The following DGKI variants were observed in gnomAD, a reference collection of about 807,000 sequenced individuals.
DGKI encodes DAG kinase iota.
Under a neutral mutation model 147.5 loss-of-function variants are expected in DGKI, and 55 were observed. That is an observed-to-expected ratio of 0.37 (90% confidence interval 0.30 to 0.47). The LOEUF (loss-of-function observed/expected upper bound fraction) is 0.47. Ranked by LOEUF, DGKI falls within the 20% of genes least tolerant of loss-of-function variation. The pLI is 1.00. For synonymous variants in DGKI, 469 were observed against 477.1 expected (o/e 0.98, Z 0.22); for missense variants, 1,007 against 1,323.8 (o/e 0.76, Z 3.71).
chr7:137,536,235 C>A (rs981046689), intron 20 of DGKI, among the ~76,000 whole-genome samples: 22 of 152,112 alleles, frequency 1.4e-4, no homozygotes, highest in African/African-American at 5.3e-4. Context: ...GTATAGCATG[C>A]AATCATAGGC....
At position 137,389,046 on chromosome 7, in the gene DGKI, C is replaced by T. The variant is rs970738447; in HGVS notation, c.*2174G>A. The T allele has an allele frequency of 8.5e-5, 13 of 152,102 alleles. No homozygotes were observed. Among genetic ancestry groups the T allele is most frequent in the African/African-American group, 3.1e-4 (13 of 41,416 alleles). 9.4% of individuals were successfully genotyped at this position (152,102 alleles called of 1,614,324 possible). A position where few individuals can be genotyped will look rare whatever the true frequency, so the allele number is the denominator to read the frequency against. On this transcript the variant is annotated 3_prime_UTR_variant, in exon 33 of 33. Coordinates refer to ENST00000614521, the MANE Select transcript of DGKI (RefSeq NM_001321708.2). Reference sequence around the variant, plus strand: ...AACAGCTAGATAACTGACTGCTTGGCCAAACATTTGACTCAATCCAGGGAA... The same window carrying T: ...AACAGCTAGATAACTGACTGCTTGGTCAAACATTTGACTCAATCCAGGGAA...
chr7:137,732,946 A>T (rs972758133), intron 1 of DGKI, among the ~76,000 whole-genome samples: 2 of 151,924 alleles, frequency 1.3e-5, no homozygotes, highest in African/African-American at 4.8e-5. Context: ...ATCACTCATC[A>T]GTATCATCTC....
At chr7:137,814,858 C>T (rs1357826011) in intron 1 of DGKI, among the ~76,000 whole-genome samples, 4 of 152,094 alleles carry the variant, frequency 2.6e-5, no homozygotes, top group East Asian at 1.9e-4. Flanking sequence ...AAAAATGGTA[C>T]GCTGGTTTTA....
chr7:137,666,657 C>T (rs1006491755), intron 3 of DGKI, among the ~76,000 whole-genome samples: 1 of 152,138 alleles, frequency 6.6e-6, no homozygotes, highest in East Asian at 1.9e-4. Flanking sequence ...CAAACTGATG[C>T]CCTCAGAGTT....
chr7:137,789,003 G>C (rs979894533), intron 1 of DGKI, among the ~76,000 whole-genome samples: 94 of 152,186 alleles, frequency 6.2e-4, no homozygotes, highest in African/African-American at 2.2e-3. Flanking sequence ...ATGAATTACA[G>C]TGAAGTGAAT....
chr7:137,409,939 A>G (rs550618223), intron 29 of DGKI, among the ~76,000 whole-genome samples: 1 of 152,156 alleles, frequency 6.6e-6, no homozygotes, highest in East Asian at 1.9e-4. Context: ...ACATATACAC[A>G]TGTATCCCAT....
chr7:137,541,084 G>A (rs537033735), intron 20 of DGKI, among the ~76,000 whole-genome samples: 1 of 152,130 alleles, frequency 6.6e-6, no homozygotes, highest in Non-Finnish European at 1.5e-5. Context: ...AGCCACAACA[G>A]TGTTGACAAT....
intron 1 of DGKI, among the ~76,000 whole-genome samples, chr7:137,803,320 G>A (rs560473588): frequency 7.9e-5 from 12 of 152,292 alleles, no homozygotes; most frequent in African/African-American, 2.6e-4. Context: ...CCAGTATACA[G>A]TTTAGACAAA....
intron 3 of DGKI, among the ~76,000 whole-genome samples, chr7:137,658,652 T>TA (rs1462906516): frequency 6.6e-6 from 1 of 152,174 alleles, no homozygotes; most frequent in Non-Finnish European, 1.5e-5. Context: ...CTTAGTCTGT[T>TA]ACGAAAGTCA....
chr7:137,654,847 T>C (rs1822161573), intron 4 of DGKI, 59 bp from the exon 5 acceptor site: 4 of 1,072,764 alleles, frequency 3.7e-6, no homozygotes, highest in Non-Finnish European at 5.4e-6. Flanking sequence ...TAGACTGAAT[T>C]ACCTGAAAAA....
intron 1 of DGKI, among the ~76,000 whole-genome samples, chr7:137,691,810 T>TTTTTTTTTTTTTG (rs1563152846): frequency 7.3e-6 from 1 of 137,138 alleles, no homozygotes; most frequent in African/African-American, 3.2e-5. Flanking sequence ...TTTTTTTTTT[T>TTTTTTTTTTTTTG]TTTTTTTTTT....
intron 1 of DGKI, among the ~76,000 whole-genome samples, chr7:137,790,410 C>G (rs1228888399): frequency 6.6e-6 from 1 of 152,146 alleles, no homozygotes; most frequent in Non-Finnish European, 1.5e-5. Context: ...GAAATTCTTT[C>G]TTATGGAATT....
At chr7:137,402,485 GC>G (rs1217597188) in intron 30 of DGKI, among the ~76,000 whole-genome samples, 1 of 152,210 alleles carries the variant, frequency 6.6e-6, no homozygotes, top group Non-Finnish European at 1.5e-5. Context: ...TTACAATGTT[GC>G]TGCCCAGTAC....
chr7:137,742,726 A>G lies in DGKI; in HGVS notation c.402-52724T>C, dbSNP rs111955069. ...AAGAAAGGTACTCAGCTACCGGGGG[A>G]AAAAAAATAAAGTCAGAAAGGAAAA... is the stretch of plus-strand genomic sequence containing the variant. On this transcript the variant is annotated intron_variant, in intron 1 of 32. Transcript: ENST00000614521. Among the ~76,000 whole-genome samples the G allele has an allele frequency of 4.0e-3, 588 of 148,700 alleles. 4 individuals are homozygous for G. Among genetic ancestry groups the G allele is most frequent in the African/African-American group, 0.015 (572 of 38,610 alleles).
chr7:137,770,498 T>C (rs1796156866), intron 1 of DGKI, among the ~76,000 whole-genome samples: 1 of 152,044 alleles, frequency 6.6e-6, no homozygotes, highest in South Asian at 2.1e-4. Context: ...AAAAAAAGAA[T>C]TAGTTTTATA....
At chr7:137,484,787 A>G (rs1489908378) in intron 23 of DGKI, among the ~76,000 whole-genome samples, 1 of 152,050 alleles carries the variant, frequency 6.6e-6, no homozygotes, top group South Asian at 2.1e-4. Context: ...GGTTTATTAG[A>G]TTGTCCAAAA....
At chr7:137,785,369 G>A (rs2069459463) in intron 1 of DGKI, among the ~76,000 whole-genome samples, 1 of 151,378 alleles carries the variant, frequency 6.6e-6, no homozygotes, top group Admixed American at 6.6e-5. Context: ...ACCTGGAGGA[G>A]ATAAATTTCA....
chr7:137,682,743 G>T (rs944652869), intron 2 of DGKI, among the ~76,000 whole-genome samples: 2 of 152,170 alleles, frequency 1.3e-5, no homozygotes, highest in African/African-American at 4.8e-5. Context: ...AAACAGAGCA[G>T]AAATTCCAGA....
At chr7:137,734,122 G>T (rs1353562822) in intron 1 of DGKI, among the ~76,000 whole-genome samples, 1 of 152,090 alleles carries the variant, frequency 6.6e-6, no homozygotes, top group African/African-American at 2.4e-5. Context: ...TTATGCCATT[G>T]TGTAATTCCC....
Sources: allele counts gnomAD v4.1 joint callset (sites outside exome capture counted in the v4.1 genomes callset), GRCh38; gene constraint gnomAD v4.1.1; transcripts MANE v1.5; gene names NCBI Gene and HGNC (gene_info 2026-07-23, HGNC 2026-07-21).